The following ZNF385D variants were observed in gnomAD, a reference collection of about 807,000 sequenced individuals.
ZNF385D encodes zinc finger protein 659.
Under a neutral mutation model 35.8 loss-of-function variants are expected in ZNF385D, and 15 were observed. The observed-to-expected ratio is 0.42, with a 90% CI of 0.28 to 0.64. ZNF385D has a LOEUF of 0.64. Among genes scored for constraint, ZNF385D ranks in the 30% least tolerant of loss-of-function variants. The pLI, the probability that ZNF385D is intolerant of heterozygous loss-of-function variation, is 0.23. For missense variants in ZNF385D, 474 were observed against 494.6 expected (o/e 0.96, Z 0.39); for synonymous variants, 212 against 186.8 (o/e 1.13, Z -1.10).
At chr3:22,168,116 C>T (rs1262138901) in intron 3 of ZNF385D, among the ~76,000 whole-genome samples, 4 of 152,248 alleles carry the variant, frequency 2.6e-5, no homozygotes, top group South Asian at 4.1e-4. Context: ...AAACATGAAA[C>T]ATCTGATCAC....
chr3:21,691,776 G>C (rs964461010), intron 1 of ZNF385D, among the ~76,000 whole-genome samples: 1 of 152,168 alleles, frequency 6.6e-6, no homozygotes, highest in African/African-American at 2.4e-5. Flanking sequence ...AAAAATGGTA[G>C]TGGTATTAAC....
At chr3:21,496,334 T>C (rs750465115) in intron 4 of ZNF385D, among the ~76,000 whole-genome samples, 4 of 145,180 alleles carry the variant, frequency 2.8e-5, no homozygotes, top group Non-Finnish European at 4.5e-5. Context: ...TCTGCCAACT[T>C]TAGGTATCAA....
At chr3:21,971,785 A>G (rs904593702) in intron 3 of ZNF385D, among the ~76,000 whole-genome samples, 2 of 151,986 alleles carry the variant, frequency 1.3e-5, no homozygotes, top group African/African-American at 4.8e-5. Context: ...ATTTCGTGCC[A>G]CTGAAAGCCA....
intron 4 of ZNF385D, among the ~76,000 whole-genome samples, chr3:21,505,532 C>T (rs1706709678): frequency 6.6e-6 from 1 of 152,128 alleles, no homozygotes; most frequent in Non-Finnish European, 1.5e-5. Context: ...GCTAAACAAG[C>T]ACTGGACTCA....
chr3:22,268,836 G>A (rs1180558411), intron 2 of ZNF385D, among the ~76,000 whole-genome samples: 2 of 151,916 alleles, frequency 1.3e-5, no homozygotes, highest in Non-Finnish European at 2.9e-5. Flanking sequence ...ATAGCCTCAT[G>A]TAGTTACTCT....
In ZNF385D at chr3:21,606,035, G is replaced by A. The variant is rs966848334; in HGVS notation, c.166-41351C>T. 5.9e-5 allele frequency among the ~76,000 whole-genome samples: 9 copies of A among 152,234 alleles called. No individual in the cohort carries two copies. In the East Asian group the frequency reaches 7.7e-4, roughly 13 times the overall value. On this transcript the variant is annotated intron_variant, in intron 2 of 7. Transcript: ENST00000281523. Reference sequence around the variant, plus strand: ...CTCTTGTGTCCTCTTTTACCTAGGGGACTCAGTCTATGGCTCTACCATCTG... The same window carrying A: ...CTCTTGTGTCCTCTTTTACCTAGGGAACTCAGTCTATGGCTCTACCATCTG...
At chr3:22,278,390 T>G (rs968230397) in intron 2 of ZNF385D, among the ~76,000 whole-genome samples, 2 of 152,118 alleles carry the variant, frequency 1.3e-5, no homozygotes, top group Admixed American at 1.3e-4. Flanking sequence ...AATCTGAGCC[T>G]CATGAAAGAG....
At chr3:21,612,407 A>T (rs1462709122) in intron 2 of ZNF385D, among the ~76,000 whole-genome samples, 1 of 152,022 alleles carries the variant, frequency 6.6e-6, no homozygotes, top group East Asian at 1.9e-4. Flanking sequence ...TGGAGTAGTC[A>T]TTATTAACTA....
At chr3:21,428,211 T>A (rs558727510) in intron 5 of ZNF385D, among the ~76,000 whole-genome samples, 1 of 152,246 alleles carries the variant, frequency 6.6e-6, no homozygotes, top group East Asian at 1.9e-4. Flanking sequence ...ATAAACATAA[T>A]TAGTATTAGA....
At chr3:22,243,792 G>A (rs1351218695) in intron 2 of ZNF385D, among the ~76,000 whole-genome samples, 1 of 150,788 alleles carries the variant, frequency 6.6e-6, no homozygotes, top group African/African-American at 2.5e-5. Context: ...TGGAAAGTTG[G>A]TTTGGAGGTG....
rs1295833843 is a variant in ZNF385D, at chr3:21,412,515, G to A, written c.*8699C>T. The A allele has an allele frequency of 6.6e-6, 1 of 152,036 alleles. No individual in the cohort carries two copies. Among genetic ancestry groups the A allele is most frequent in the Non-Finnish European group, 1.5e-5 (1 of 67,978 alleles). The allele number at this position is 152,036 out of a possible 1,614,324, so 9.4% of individuals were successfully genotyped here. A position where few individuals can be genotyped will look rare whatever the true frequency, so the allele number is the denominator to read the frequency against. The stretch of plus-strand genomic sequence containing the variant: ...TTGCCTATGGATTATCTACAGAAGA[G>A]AGGAAAATAAGCAACCATTTTGATT... On this transcript the variant is annotated 3_prime_UTR_variant, in exon 8 of 8. Transcript: ENST00000281523.
intron 3 of ZNF385D, among the ~76,000 whole-genome samples, chr3:21,920,637 A>C (rs1700411031): frequency 6.6e-6 from 1 of 151,764 alleles, no homozygotes; most frequent in African/African-American, 2.4e-5. Flanking sequence ...AAAAAAAAAA[A>C]AGATGAAATG....
intron 3 of ZNF385D, among the ~76,000 whole-genome samples, chr3:22,025,121 G>A (rs150598182): frequency 2.2e-3 from 335 of 152,262 alleles, no homozygotes; most frequent in African/African-American, 7.6e-3. Context: ...CACTGAGTTT[G>A]TAAATTCTGA....
intron 2 of ZNF385D, among the ~76,000 whole-genome samples, chr3:22,206,235 T>A (rs144390356): frequency 2.3e-4 from 35 of 152,020 alleles, no homozygotes; most frequent in African/African-American, 8.2e-4. Context: ...GATACAACAA[T>A]TGTAAATATA....
chr3:22,224,858 A>C (rs2125286492), intron 2 of ZNF385D, among the ~76,000 whole-genome samples: 1 of 152,156 alleles, frequency 6.6e-6, no homozygotes, highest in South Asian at 2.1e-4. Context: ...CAGAGTTGGC[A>C]CCTCTATTCA....
chr3:21,728,931 T>C (rs2068879477), intron 1 of ZNF385D, among the ~76,000 whole-genome samples: 1 of 152,216 alleles, frequency 6.6e-6, no homozygotes. Flanking sequence ...CTATCTTTCT[T>C]TGTTTTGTTC....
intron 1 of ZNF385D, among the ~76,000 whole-genome samples, chr3:21,697,878 C>T (rs1057299730): frequency 6.6e-6 from 1 of 152,002 alleles, no homozygotes; most frequent in Non-Finnish European, 1.5e-5. Context: ...CACGGAAATG[C>T]CAATTAAAAC....
chr3:21,888,321 G>C (rs1698659332), intron 3 of ZNF385D, among the ~76,000 whole-genome samples: 1 of 152,050 alleles, frequency 6.6e-6, no homozygotes, highest in East Asian at 1.9e-4. Flanking sequence ...AAGAGAGAAA[G>C]TAAAAAAGTA....
At chr3:21,557,928 G>C (rs942114593) in intron 3 of ZNF385D, among the ~76,000 whole-genome samples, 7 of 152,076 alleles carry the variant, frequency 4.6e-5, no homozygotes, top group African/African-American at 1.7e-4. Context: ...AGATTTTCTA[G>C]TTTATTTGCA....
Sources: allele counts gnomAD v4.1 joint callset (sites outside exome capture counted in the v4.1 genomes callset), GRCh38; gene constraint gnomAD v4.1.1; transcripts MANE v1.5; gene names NCBI Gene and HGNC (gene_info 2026-07-23, HGNC 2026-07-21).